MN1: variants seen among roughly 807,000 people sequenced by gnomAD.
MN1 encodes the protein MN1 proto-oncogene, transcriptional regulator.
Under a neutral mutation model 86.9 loss-of-function variants are expected in MN1, and 19 were observed. The observed-to-expected ratio is 0.22, with a 90% CI of 0.15 to 0.32. The LOEUF is 0.32. Ranked by LOEUF, MN1 falls within the 10% of genes least tolerant of loss-of-function variation. MN1 has a pLI of 1.00. For missense variants in MN1, 1,841 were observed against 1,862.0 expected (o/e 0.99, Z 0.21); for synonymous variants, 928 against 849.6 (o/e 1.09, Z -1.60).
At chr22:27,792,338 ATATATATATATAT>A (rs1207197581) in intron 1 of MN1, among the ~76,000 whole-genome samples, 4 of 145,512 alleles carry the variant, frequency 2.7e-5, no homozygotes, top group Non-Finnish European at 6.0e-5. Context: ...ATATATATAT[ATATATATATATAT>A]GAATATATAA....
chr22:27,790,705 G>A (rs1282734569), intron 1 of MN1, among the ~76,000 whole-genome samples: 1 of 151,710 alleles, frequency 6.6e-6, no homozygotes, highest in Non-Finnish European at 1.5e-5. Context: ...GAGTAAAGAA[G>A]GGGAGGGGGC....
chr22:27,763,488 C>A (rs920150660), intron 1 of MN1, among the ~76,000 whole-genome samples: 6 of 152,196 alleles, frequency 3.9e-5, no homozygotes, highest in Admixed American at 3.9e-4. Flanking sequence ...GGTTGTGTGA[C>A]CCTGGATCAG....
At chr22:27,792,850 C>T (rs1388366525) in intron 1 of MN1, among the ~76,000 whole-genome samples, 1 of 152,100 alleles carries the variant, frequency 6.6e-6, no homozygotes, top group Non-Finnish European at 1.5e-5. Context: ...AAAATTCTCT[C>T]AGGAAAACAG....
At chr22:27,775,950 A>C (rs1405873503) in intron 1 of MN1, among the ~76,000 whole-genome samples, 1 of 152,058 alleles carries the variant, frequency 6.6e-6, no homozygotes, top group Non-Finnish European at 1.5e-5. Context: ...AAGGGAAGGA[A>C]AAAAAATCTA....
At chr22:27,762,696 G>A (rs1891963165) in intron 1 of MN1, among the ~76,000 whole-genome samples, 1 of 151,970 alleles carries the variant, frequency 6.6e-6, no homozygotes, top group African/African-American at 2.4e-5. Flanking sequence ...ACAGAAACTG[G>A]AGCAACTAAA....
chr22:27,778,391 C>A (rs1461543354), intron 1 of MN1, among the ~76,000 whole-genome samples: 2 of 152,222 alleles, frequency 1.3e-5, no homozygotes, highest in African/African-American at 4.8e-5. Context: ...GCAGGCAAAT[C>A]TCTCACTGCC....
intron 1 of MN1, among the ~76,000 whole-genome samples, chr22:27,762,268 C>CAA (rs1932840007): frequency 6.6e-6 from 1 of 152,202 alleles, no homozygotes; most frequent in African/African-American, 2.4e-5. Flanking sequence ...CGTGCTTATG[C>CAA]AAAAGCACAG....
At chr22:27,790,688 G>C (rs371928269) in intron 1 of MN1, among the ~76,000 whole-genome samples, 4 of 150,850 alleles carry the variant, frequency 2.7e-5, no homozygotes, top group African/African-American at 4.9e-5. Context: ...GGGGGTAGGT[G>C]GGGGGGGAGT....
At chr22:27,786,842 GCACACACA>G (rs59816177) in intron 1 of MN1, among the ~76,000 whole-genome samples, 3 of 140,612 alleles carry the variant, frequency 2.1e-5, no homozygotes, top group African/African-American at 7.8e-5. Context: ...ATGCCCGTGC[GCACACACA>G]CACACACACA....
chr22:27,763,356 C>T (rs1670885183), intron 1 of MN1, among the ~76,000 whole-genome samples: 1 of 152,142 alleles, frequency 6.6e-6, no homozygotes, highest in African/African-American at 2.4e-5. Flanking sequence ...GCCGGCTTAC[C>T]CACATAAGTT....
At chr22:27,787,017 TGGA>T (rs1196463834) in intron 1 of MN1, among the ~76,000 whole-genome samples, 5 of 152,232 alleles carry the variant, frequency 3.3e-5, no homozygotes, top group African/African-American at 1.2e-4. Flanking sequence ...ATTGACCGCA[TGGA>T]GATCAATACG....
chr22:27,798,644 C>T lies in MN1; in HGVS notation c.1900G>A (p.Gly634Ser), dbSNP rs764672151. The T allele has an allele frequency of 6.4e-7, 1 of 1,560,522 alleles. No homozygotes were observed. Among genetic ancestry groups the T allele is most frequent in the Non-Finnish European group, 8.6e-7 (1 of 1,161,814 alleles). ...HLAQESAWFS[G>S]PHPPPGDLLP... is the part of the protein sequence containing the mutation. ...AGGTCTCCGGGCGGCGGATGCGGAC[C>T]TGAGAACCACGCGCTCTCTTGCGCC... Residue 634 changes from glycine to serine, a missense_variant, in exon 1 of 2, where the codon GGT becomes AGT. By Grantham distance (56) the Gly-to-Ser change is moderately conservative. Coordinates refer to ENST00000302326, the MANE Select transcript of MN1 (RefSeq NM_002430.3).
At chr22:27,793,664 A>G (rs1000062591) in intron 1 of MN1, among the ~76,000 whole-genome samples, 18 of 152,274 alleles carry the variant, frequency 1.2e-4, no homozygotes, top group Non-Finnish European at 1.9e-4. Flanking sequence ...TCCTGGTTTA[A>G]AAAAATCATC....
At chr22:27,768,804 T>C (rs1932890232) in intron 1 of MN1, among the ~76,000 whole-genome samples, 1 of 152,124 alleles carries the variant, frequency 6.6e-6, no homozygotes, top group African/African-American at 2.4e-5. Context: ...TGACTCTGTC[T>C]CTAAAAATAA....
chr22:27,758,630 G>T (rs2267110), intron 1 of MN1, among the ~76,000 whole-genome samples: 102,971 of 152,014 alleles, frequency 0.68, 35,275 homozygotes, highest in East Asian at 0.85. Context: ...CCCTGGCATT[G>T]TTCCCAGCAG....
intron 1 of MN1, among the ~76,000 whole-genome samples, chr22:27,781,961 T>G (rs922270823): frequency 1.3e-5 from 2 of 152,056 alleles, no homozygotes; most frequent in Non-Finnish European, 2.9e-5. Context: ...AATTTTTCTA[T>G]TGCTGGCTCC....
rs1379678156 is a variant in MN1 at position 27,797,645 on chromosome 22, C to T, written c.2899G>A (p.Asp967Asn). ...CTCACCCCAGGTGCGCCCCCGCTGTCCGGAGCCGCCGAGTACTTGTCAAAG... is the reference window on the plus strand; with the variant it reads ...CTCACCCCAGGTGCGCCCCCGCTGTTCGGAGCCGCCGAGTACTTGTCAAAG... The part of the protein sequence containing the change: ...TFFDKYSAAP[D>N]SGGAPGVSPG... The change falls in exon 1 of 2, where the codon GAC (aspartate) becomes AAC (asparagine). Residue 967 changes from aspartate (D) to asparagine (N), a missense_variant. By Grantham distance (23) the Asp-to-Asn change is conservative. Coordinates refer to ENST00000302326, the MANE Select transcript of MN1 (RefSeq NM_002430.3). The T allele has an allele frequency of 1.9e-6, 3 of 1,598,290 alleles. No individual in the cohort carries two copies. The highest frequency in any genetic ancestry group is 1.1e-5 in the South Asian group (1 of 88,986).
rs925782940 is a variant in MN1, at chr22:27,749,304, C to G, written c.*1611G>C. ...CCTTCAGGTCACTTGCTTTAGAAAG[C>G]CCAGATCTGCAAACTCTGAGGACCT... On this transcript the variant is annotated 3_prime_UTR_variant, in exon 2 of 2. Transcript: ENST00000302326. 1 of 231,966 alleles carries G rather than the reference C, an allele frequency of 4.3e-6. No individual in the cohort carries two copies. Among genetic ancestry groups the G allele is most frequent in the South Asian group, 1.8e-4 (1 of 5,516 alleles). The allele number at this position is 231,966 out of a possible 1,614,324, so 14.4% of individuals were successfully genotyped here. A position where few individuals can be genotyped will look rare whatever the true frequency, so the allele number is the denominator to read the frequency against.
At chr22:27,767,536 G>A (rs577337529) in intron 1 of MN1, among the ~76,000 whole-genome samples, 2 of 152,092 alleles carry the variant, frequency 1.3e-5, no homozygotes, top group Non-Finnish European at 2.9e-5. Context: ...AAAAATGCAG[G>A]AGTCCCCTGG....
Sources: gnomAD v4.1 joint callset for allele counts (sites outside exome capture counted in the v4.1 genomes callset) on GRCh38, gnomAD v4.1.1 for gene constraint, MANE v1.5 for transcripts, NCBI Gene and HGNC (gene_info 2026-07-23, HGNC 2026-07-21) for gene names.